GNAQ: variants seen among roughly 807,000 people sequenced by gnomAD.
The protein encoded by GNAQ is G protein subunit alpha q.
In GNAQ, 8 loss-of-function variants were observed where a neutral mutation model predicts 43.9. That is an observed-to-expected ratio of 0.18 (90% confidence interval 0.11 to 0.33). The LOEUF is 0.33. Ranked by LOEUF, GNAQ falls within the 10% of genes least tolerant of loss-of-function variation. The pLI, the probability that GNAQ is intolerant of heterozygous loss-of-function variation, is 1.00. For synonymous variants in GNAQ, 155 were observed against 170.7 expected, an observed-to-expected ratio of 0.91 and a Z score of 0.71; for missense variants, 158 against 450.8, an observed-to-expected ratio of 0.35 and a Z score of 5.88.
intron 2 of GNAQ, among the ~76,000 whole-genome samples, chr9:77,913,733 C>T (rs374142632): frequency 1.3e-5 from 2 of 152,146 alleles, no homozygotes; most frequent in African/African-American, 4.8e-5. Context: ...GGATAGTGGT[C>T]ATCCTTCGGA....
At chr9:77,895,572 C>G (rs1343655210) in intron 2 of GNAQ, among the ~76,000 whole-genome samples, 1 of 152,188 alleles carries the variant, frequency 6.6e-6, no homozygotes, top group Non-Finnish European at 1.5e-5. Flanking sequence ...AAGAATCCAA[C>G]ATGGCCTTGA....
At chr9:77,787,287 G>A (rs886681317) in intron 5 of GNAQ, among the ~76,000 whole-genome samples, 1 of 152,206 alleles carries the variant, frequency 6.6e-6, no homozygotes, top group Non-Finnish European at 1.5e-5. Flanking sequence ...ATAATTACCT[G>A]AGTGAATAGT....
chr9:77,874,735 C>T (rs1190255286), intron 2 of GNAQ, among the ~76,000 whole-genome samples: 1 of 152,004 alleles, frequency 6.6e-6, no homozygotes, highest in Admixed American at 6.6e-5. Context: ...AGTGATCCTC[C>T]CACCTCAGCC....
intron 1 of GNAQ, among the ~76,000 whole-genome samples, chr9:77,963,023 G>A (rs1258395867): frequency 6.6e-6 from 1 of 151,926 alleles, no homozygotes; most frequent in Non-Finnish European, 1.5e-5. Context: ...CTAGTTTGAG[G>A]CACTAAGAAT....
chr9:77,922,076 C>T, intron 2 of GNAQ, 85 bp downstream of exon 2: 1 of 854,282 alleles, frequency 1.2e-6, no homozygotes, highest in Non-Finnish European at 1.9e-6. Context: ...GCACTCCAGA[C>T]ATGTCAAGAG....
chr9:77,792,185 A>AGG (rs1173135647), intron 5 of GNAQ, among the ~76,000 whole-genome samples: 1 of 152,172 alleles, frequency 6.6e-6, no homozygotes, highest in Admixed American at 6.5e-5. Context: ...GCTTGACTAG[A>AGG]GGTCTCAGAA....
intron 2 of GNAQ, among the ~76,000 whole-genome samples, chr9:77,870,334 T>TC (rs1294524430): frequency 6.7e-6 from 1 of 148,386 alleles, no homozygotes; most frequent in Non-Finnish European, 1.5e-5. Context: ...GTTTTTTTTT[T>TC]TTTTTTTTTT....
chr9:77,837,655 T>TAA (rs55754927), intron 2 of GNAQ, among the ~76,000 whole-genome samples: 72 of 149,382 alleles, frequency 4.8e-4, no homozygotes, highest in Admixed American at 3.3e-3. Context: ...AAAATTATTC[T>TAA]AAAAAAAAAA....
chr9:77,843,908 G>A (rs1006450931), intron 2 of GNAQ, among the ~76,000 whole-genome samples: 9 of 152,080 alleles, frequency 5.9e-5, no homozygotes. Context: ...GGCTCAGAGG[G>A]TTGTGTCTGG....
intron 1 of GNAQ, among the ~76,000 whole-genome samples, chr9:77,960,546 G>T (rs1222657772): frequency 6.6e-6 from 1 of 152,140 alleles, no homozygotes; most frequent in Non-Finnish European, 1.5e-5. Flanking sequence ...GTGTGCTCTG[G>T]ACTGATTGGT....
chr9:77,869,576 A>G (rs1340642413), intron 2 of GNAQ, among the ~76,000 whole-genome samples: 3 of 152,188 alleles, frequency 2.0e-5, no homozygotes, highest in Admixed American at 2.0e-4. Flanking sequence ...ACCTTCCTAA[A>G]TACTACTCTA....
chr9:77,986,387 C>T (rs1022486781), intron 1 of GNAQ, among the ~76,000 whole-genome samples: 9 of 152,198 alleles, frequency 5.9e-5, no homozygotes, highest in Non-Finnish European at 8.8e-5. Context: ...AAAATAATCT[C>T]TATAAAAGCA....
intron 1 of GNAQ, among the ~76,000 whole-genome samples, chr9:77,944,946 C>A (rs1169303815): frequency 1.3e-5 from 2 of 152,202 alleles, no homozygotes; most frequent in Admixed American, 1.3e-4. Flanking sequence ...GCTGTCCCAT[C>A]CAAGAACACC....
intron 1 of GNAQ, among the ~76,000 whole-genome samples, chr9:77,962,025 G>GT (rs2118424040): frequency 6.6e-6 from 1 of 152,048 alleles, no homozygotes; most frequent in African/African-American, 2.4e-5. Context: ...TAAAAATACA[G>GT]TATCTAAAAT....
chr9:77,728,484 T>C, intron 6 of GNAQ, 30 bp downstream of exon 6: 2 of 1,537,248 alleles, frequency 1.3e-6, no homozygotes, highest in Non-Finnish European at 1.8e-6. Flanking sequence ...TATTCACAGC[T>C]ACTGAGCTGT....
intron 5 of GNAQ, among the ~76,000 whole-genome samples, chr9:77,774,480 GAGAC>G (rs1281684276): frequency 3.3e-5 from 5 of 152,116 alleles, no homozygotes; most frequent in African/African-American, 7.2e-5. Context: ...AAAAAATAGA[GAGAC>G]AGGTTCTTGC....
chr9:77,914,717 A>G (rs760842857), intron 2 of GNAQ, among the ~76,000 whole-genome samples: 1 of 152,072 alleles, frequency 6.6e-6, no homozygotes, highest in Non-Finnish European at 1.5e-5. Context: ...GCAGGAGTAG[A>G]AAGTTTCCCT....
At chr9:77,729,771 A>C (rs935727123) in intron 5 of GNAQ, among the ~76,000 whole-genome samples, 7 of 152,094 alleles carry the variant, frequency 4.6e-5, no homozygotes, top group Non-Finnish European at 8.8e-5. Flanking sequence ...GCTGCCTGGG[A>C]TTGTGCCCAC....
intron 4 of GNAQ, among the ~76,000 whole-genome samples, chr9:77,797,162 A>T (rs1449718028): frequency 6.6e-6 from 1 of 152,034 alleles, no homozygotes; most frequent in East Asian, 1.9e-4. Flanking sequence ...CCTCCCAAGC[A>T]GCTGGGATTA....
Sources: gnomAD v4.1 joint callset for allele counts (sites outside exome capture counted in the v4.1 genomes callset) on GRCh38, gnomAD v4.1.1 for gene constraint, MANE v1.5 for transcripts, NCBI Gene and HGNC (gene_info 2026-07-23, HGNC 2026-07-21) for gene names.